Variants in SV2C observed in about 807,000 individuals in gnomAD.
SV2C encodes the protein synaptic vesicle glycoprotein 2C.
A neutral mutation model predicts 79.7 loss-of-function variants in SV2C; 49 were observed. The ratio of observed to expected loss-of-function variants is 0.61; its 90% CI spans 0.49 to 0.78. The LOEUF (loss-of-function observed/expected upper bound fraction) is 0.78, where lower values mean the gene tolerates loss of function less well. SV2C is among the 30% of genes least tolerant of loss of function. The pLI, the probability that SV2C is intolerant of heterozygous loss-of-function variation, is 0.00. For missense variants in SV2C, 833 were observed against 912.9 expected (o/e 0.91, Z 1.13); for synonymous variants, 334 against 333.2 (o/e 1.00, Z -0.03).
chr5:76,215,875 G>A (rs1261680801), intron 4 of SV2C, among the ~76,000 whole-genome samples: 2 of 152,128 alleles, frequency 1.3e-5, no homozygotes, highest in African/African-American at 4.8e-5. Flanking sequence ...GGACAAAGGT[G>A]TTCGCTGTTT....
intron 1 of SV2C, among the ~76,000 whole-genome samples, chr5:76,090,279 G>T (rs1191713123): frequency 1.3e-5 from 2 of 152,192 alleles, no homozygotes; most frequent in Non-Finnish European, 2.9e-5. Context: ...TTCTGTGAGT[G>T]TGGGGTCCCA....
chr5:75,849,245 C>G, the SV2C span, among the ~76,000 whole-genome samples: 1 of 152,116 alleles, frequency 6.6e-6, no homozygotes, highest in Non-Finnish European at 1.5e-5. Context: ...AGATAAGTCT[C>G]AAATGGAAGG....
intron 1 of SV2C, among the ~76,000 whole-genome samples, chr5:76,118,119 C>G (rs1439545304): frequency 1.3e-5 from 2 of 152,144 alleles, no homozygotes; most frequent in African/African-American, 2.4e-5. Context: ...AGGCCAGAGT[C>G]CCAAACTAAG....
At chr5:76,249,843 G>T (rs933604012) in intron 4 of SV2C, among the ~76,000 whole-genome samples, 2 of 152,156 alleles carry the variant, frequency 1.3e-5, no homozygotes, top group African/African-American at 4.8e-5. Context: ...ACTCTGCAGA[G>T]CCATGGGGTA....
At chr5:76,225,275 C>T (rs1745202837) in intron 4 of SV2C, among the ~76,000 whole-genome samples, 1 of 152,190 alleles carries the variant, frequency 6.6e-6, no homozygotes, top group Admixed American at 6.5e-5. Context: ...TTTTATGTAA[C>T]ACTGAGGCAT....
chr5:75,959,420 A>C, the SV2C span, among the ~76,000 whole-genome samples: 1 of 151,954 alleles, frequency 6.6e-6, no homozygotes, highest in African/African-American at 2.4e-5. Flanking sequence ...AAGTAGTTAG[A>C]ACTGATAATT....
the SV2C span, chr5:75,921,126 T>A: frequency 1.2e-6 from 1 of 852,838 alleles, no homozygotes; most frequent in South Asian, 1.5e-5. Context: ...TTGGCCTTGC[T>A]GTTTTCAATG....
rs150856887 is a variant in SV2C, at chr5:76,286,585, G to A, written c.1137+715G>A. ...GAAAACAATTATACTAAGGATCAAAGCAATGTAACAACATAAAACTAATCT... is the reference window on the plus strand; with the variant it reads ...GAAAACAATTATACTAAGGATCAAAACAATGTAACAACATAAAACTAATCT... On this transcript the variant is annotated intron_variant, in intron 6 of 12. Coordinates refer to ENST00000502798, the MANE Select transcript of SV2C (RefSeq NM_014979.4). 4.6e-5 allele frequency: 7 copies of A among 152,176 alleles called. No individual in the cohort carries two copies. The East Asian group carries it at 1.4e-3, about 29-fold the overall frequency. The allele number at this position is 152,176 out of a possible 1,614,324, so 9.4% of individuals were successfully genotyped here.
chr5:75,962,524 A>C, the SV2C span, among the ~76,000 whole-genome samples: 5 of 152,154 alleles, frequency 3.3e-5, no homozygotes, highest in Admixed American at 1.3e-4. Flanking sequence ...TTGTCAGGAC[A>C]CTGTCTCTGT....
At chr5:76,046,227 T>A in the SV2C span, among the ~76,000 whole-genome samples, 3 of 152,314 alleles carry the variant, frequency 2.0e-5, no homozygotes, top group Admixed American at 2.0e-4. Context: ...AATTCAGGTT[T>A]AGAGAAACTA....
chr5:76,141,823 C>CAAAA (rs11313342), intron 2 of SV2C, among the ~76,000 whole-genome samples: 29 of 72,434 alleles, frequency 4.0e-4, no homozygotes, highest in Admixed American at 7.1e-4. Flanking sequence ...AAGTCCATCT[C>CAAAA]AAAAAAAAAA....
intron 2 of SV2C, among the ~76,000 whole-genome samples, chr5:76,144,422 A>T (rs1001526951): frequency 1.3e-5 from 2 of 152,158 alleles, no homozygotes; most frequent in African/African-American, 4.8e-5. Flanking sequence ...GTTGGAATCC[A>T]GCCCTTTCAC....
intron 2 of SV2C, among the ~76,000 whole-genome samples, chr5:76,182,056 C>T (rs1743751661): frequency 6.6e-6 from 1 of 152,092 alleles, no homozygotes; most frequent in African/African-American, 2.4e-5. Flanking sequence ...AGCAAAAATG[C>T]CATTCCACCT....
chr5:76,026,405 TA>T, the SV2C span, among the ~76,000 whole-genome samples: 22 of 152,296 alleles, frequency 1.4e-4, no homozygotes, highest in African/African-American at 4.6e-4. Flanking sequence ...GAAGATCTAT[TA>T]GGGGGAGATT....
intron 4 of SV2C, among the ~76,000 whole-genome samples, chr5:76,280,365 T>A (rs1330029691): frequency 1.3e-5 from 2 of 151,982 alleles, no homozygotes; most frequent in African/African-American, 4.8e-5. Context: ...AATGGAAGAA[T>A]CTACACCTGA....
the SV2C span, among the ~76,000 whole-genome samples, chr5:75,990,280 T>A: frequency 6.6e-6 from 1 of 151,964 alleles, no homozygotes; most frequent in Non-Finnish European, 1.5e-5. Context: ...TAGCTTTGGG[T>A]TGATATTTAA....
the SV2C span, among the ~76,000 whole-genome samples, chr5:75,988,459 C>A: frequency 2.0e-5 from 3 of 151,966 alleles, no homozygotes; most frequent in Non-Finnish European, 4.4e-5. Flanking sequence ...TAATTAGGAC[C>A]TCAGCTGACC....
At chr5:76,075,770 TC>T in the SV2C span, 1 of 295,928 alleles carries the variant, frequency 3.4e-6, no homozygotes, top group South Asian at 3.7e-5. Context: ...GACATTGCTA[TC>T]AAGTAAAGGA....
chr5:76,224,591 T>C (rs1000015690), intron 4 of SV2C, among the ~76,000 whole-genome samples: 3 of 152,158 alleles, frequency 2.0e-5, no homozygotes, highest in Admixed American at 2.0e-4. Flanking sequence ...TTCCCCAGAT[T>C]TCCATGAATA....
Sources: allele counts gnomAD v4.1 joint callset (sites outside exome capture counted in the v4.1 genomes callset), GRCh38; gene constraint gnomAD v4.1.1; transcripts MANE v1.5; gene names NCBI Gene and HGNC (gene_info 2026-07-23, HGNC 2026-07-21).